REEP5: variants seen among roughly 807,000 people sequenced by gnomAD.
The protein encoded by REEP5 is receptor accessory protein 5, also known as receptor expression-enhancing protein 5.
In REEP5, 24 loss-of-function variants were observed where a neutral mutation model predicts 22.4. The observed-to-expected ratio is 1.07, with a 90% confidence interval of 0.78 to 1.51. The LOEUF is 1.51. REEP5 is among the 40% of genes most tolerant of loss of function. REEP5 has a pLI of 0.00. For missense variants in REEP5, 252 were observed against 233.0 expected, an observed-to-expected ratio of 1.08 and a Z score of -0.53; for synonymous variants, 103 against 88.6, an observed-to-expected ratio of 1.16 and a Z score of -0.92.
In REEP5 at chr5:112,890,078, C is replaced by T. The variant is rs188896956; in HGVS notation, c.352-2895G>A. Among the ~76,000 whole-genome samples, 1,197 of 150,402 alleles carry T rather than the reference C, an allele frequency of 8.0e-3. 82 individuals carry two copies. Among genetic ancestry groups the T allele is most frequent in the African/African-American group, 0.028 (1,126 of 40,346 alleles). On this transcript the variant is annotated intron_variant, in intron 3 of 4. Transcript: ENST00000379638. ...CTGACCTCAAATGATCCACCCCCAT[C>T]GGCCTCCCAAAGTGCTGGGATTACA...
Position 112,922,205 on chromosome 5 carries a change from C to T in REEP5, c.-15G>A, listed in dbSNP as rs375677075. Reference sequence around the variant, plus strand: ...GCCGCAGACATGGCGGGGACCGTCTCGCCGCTCGGGGCTGTTCCTAGTGCC... The same window carrying T: ...GCCGCAGACATGGCGGGGACCGTCTTGCCGCTCGGGGCTGTTCCTAGTGCC... On this transcript the variant is annotated 5_prime_UTR_variant, in exon 1 of 5. Coordinates refer to ENST00000379638, the MANE Select transcript of REEP5 (RefSeq NM_005669.5). 1 of 1,601,668 alleles carries T rather than the reference C, an allele frequency of 6.2e-7. No homozygotes were observed. Among genetic ancestry groups the T allele is most frequent in the Non-Finnish European group, 8.5e-7 (1 of 1,174,420 alleles).
Position 112,921,181 on chromosome 5 carries a change from C to A in REEP5, c.194G>T (p.Gly65Val). The A allele has an allele frequency of 6.2e-7, 1 of 1,614,082 alleles. No homozygotes were observed. The highest frequency in any genetic ancestry group is 8.5e-7 in the Non-Finnish European group (1 of 1,180,006). The change falls in exon 2 of 5, where the codon GGC (glycine) becomes GTC (valine). Residue 65 changes from glycine (G) to valine (V), a missense_variant. Coordinates refer to ENST00000379638, the MANE Select transcript of REEP5 (RefSeq NM_005669.5). ...CACTTACGAGATGTAGGCTGGGTAG[C>A]CAAATCCTATCAGGTTGCAGAGGAG... ...ASLLCNLIGF[G>V]YPAYISIKAI... is the part of the protein sequence containing the mutation.
chr5:112,901,298 A>G (rs1250713192), intron 3 of REEP5, among the ~76,000 whole-genome samples: 2 of 152,326 alleles, frequency 1.3e-5, no homozygotes, highest in East Asian at 3.9e-4. Context: ...CAAGAAGAAG[A>G]GAGCCAAGCA....
rs1767966739 is a variant in REEP5 at position 112,878,570 on chromosome 5, A to G, written c.*216T>C. 1 of 583,206 alleles carries G rather than the reference A, an allele frequency of 1.7e-6. No individual in the cohort carries two copies. The highest frequency in any genetic ancestry group is 3.0e-5 in the East Asian group (1 of 33,000). 36.1% of individuals were successfully genotyped at this position (583,206 alleles called of 1,614,324 possible). On this transcript the variant is annotated 3_prime_UTR_variant, in exon 5 of 5. Coordinates refer to ENST00000379638, the MANE Select transcript of REEP5 (RefSeq NM_005669.5). ...CCAGAGGCAAAATACATTTTCCAAAAACGTGGACACTGCCCACTGCATTAA... is the reference window on the plus strand; with the variant it reads ...CCAGAGGCAAAATACATTTTCCAAAGACGTGGACACTGCCCACTGCATTAA...
chr5:112,913,149 C>G (rs1394033453), intron 2 of REEP5, among the ~76,000 whole-genome samples: 1 of 151,892 alleles, frequency 6.6e-6, no homozygotes, highest in Non-Finnish European at 1.5e-5. Flanking sequence ...ATTAAAAACA[C>G]AAAAAATTGG....
intron 3 of REEP5, 109 bp downstream of exon 3, chr5:112,902,271 T>A: frequency 8.4e-7 from 1 of 1,184,244 alleles, no homozygotes; most frequent in South Asian, 1.8e-5. Context: ...CCTGTCTTCT[T>A]GTTTATAATC....
intron 4 of REEP5, among the ~76,000 whole-genome samples, chr5:112,880,405 G>A (rs1363872500): frequency 1.3e-5 from 2 of 152,204 alleles, no homozygotes; most frequent in African/African-American, 4.8e-5. Context: ...CCCACTGTGA[G>A]ATTTTACAAT....
chr5:112,915,892 A>C (rs1769222178), intron 2 of REEP5, among the ~76,000 whole-genome samples: 1 of 151,610 alleles, frequency 6.6e-6, no homozygotes, highest in Non-Finnish European at 1.5e-5. Context: ...AAAAAAAAAA[A>C]AAAAACCCAC....
At chr5:112,903,553 G>A (rs1403961101) in intron 2 of REEP5, among the ~76,000 whole-genome samples, 1 of 151,978 alleles carries the variant, frequency 6.6e-6, no homozygotes, top group Non-Finnish European at 1.5e-5. Flanking sequence ...GTAACCAAAC[G>A]CCACCTGTTA....
chr5:112,922,053 G>GGCGACCCCC lies in REEP5; in HGVS notation c.118+11_118+19dup. On this transcript the variant is annotated intron_variant, in intron 1 of 4. Coordinates refer to ENST00000379638, the MANE Select transcript of REEP5 (RefSeq NM_005669.5). The stretch of plus-strand genomic sequence containing the variant: ...CGGCTCCCGTGGCCCTACCAGCGGC[G>GGCGACCCCC]GCGACCCCCGGCCACCCACCAAGAG... 1 of 1,579,336 alleles carries GGCGACCCCC rather than the reference G, an allele frequency of 6.3e-7. No homozygotes were observed. Among genetic ancestry groups the GGCGACCCCC allele is most frequent in the Non-Finnish European group, 8.6e-7 (1 of 1,163,438 alleles).
rs973428464 is a variant in REEP5 at position 112,877,769 on chromosome 5, T to TAATC, written c.*1013_*1016dup. The TAATC allele has an allele frequency of 9.8e-5, 15 of 152,292 alleles. No homozygotes were observed. Among genetic ancestry groups the TAATC allele is most frequent in the Non-Finnish European group, 1.3e-4 (9 of 68,022 alleles). 9.4% of individuals were successfully genotyped at this position (152,292 alleles called of 1,614,324 possible). On this transcript the variant is annotated 3_prime_UTR_variant, in exon 5 of 5. Coordinates refer to ENST00000379638, the MANE Select transcript of REEP5 (RefSeq NM_005669.5). Reference sequence around the variant, plus strand: ...AATGATACAAACAAGAACATACATGTAATCAGAGGTGGACAAATCTTCAGA... The same window carrying TAATC: ...AATGATACAAACAAGAACATACATGTAATCAATCAGAGGTGGACAAATCTTCAGA...
intron 2 of REEP5, among the ~76,000 whole-genome samples, chr5:112,919,947 T>C (rs1251529825): frequency 1.3e-5 from 2 of 152,224 alleles, no homozygotes; most frequent in Non-Finnish European, 1.5e-5. Flanking sequence ...TACAATCATA[T>C]TGGTTATGCA....
chr5:112,913,790 C>T (rs1209241982), intron 2 of REEP5, among the ~76,000 whole-genome samples: 1 of 152,128 alleles, frequency 6.6e-6, no homozygotes, highest in African/African-American at 2.4e-5. Context: ...CACCTGTGAC[C>T]TATGTCAATT....
rs1434908852 is a variant in REEP5 at position 112,902,423 on chromosome 5, G to C, written c.308C>G (p.Ser103Cys). 6 of 1,613,106 alleles carry C rather than the reference G, an allele frequency of 3.7e-6. No homozygotes were observed. Among genetic ancestry groups the C allele is most frequent in the African/African-American group, 1.3e-5 (1 of 74,872 alleles). ...GGGGAACCATGACAGGAAGATATCA[G>C]AGAAGAATTCAGCAATGCTGAACAC... The part of the protein sequence containing the change: ...YGVFSIAEFF[S>C]DIFLSWFPFY... Residue 103 changes from serine to cysteine, a missense_variant, in exon 3 of 5, where the codon TCT (serine) becomes TGT (cysteine). Physicochemically the swap from Ser to Cys is moderately radical, Grantham distance 112. Coordinates refer to ENST00000379638, the MANE Select transcript of REEP5 (RefSeq NM_005669.5).
At chr5:112,892,486 G>A (rs1460223853) in intron 3 of REEP5, 4 of 1,614,086 alleles carry the variant, frequency 2.5e-6, no homozygotes, top group Non-Finnish European at 3.4e-6. Context: ...CCAGTCGGAA[G>A]AAGAATGCCA....
chr5:112,892,741 A>G, intron 3 of REEP5: 1 of 1,614,034 alleles, frequency 6.2e-7, no homozygotes, highest in Non-Finnish European at 8.5e-7. Context: ...GAACTCCGAG[A>G]GGAGGGAGAA....
At chr5:112,901,300 A>G (rs771919164) in intron 3 of REEP5, among the ~76,000 whole-genome samples, 6 of 152,222 alleles carry the variant, frequency 3.9e-5, no homozygotes, top group Non-Finnish European at 8.8e-5. Flanking sequence ...AGAAGAAGAG[A>G]GCCAAGCAAA....
At chr5:112,890,579 T>C (rs1250854344) in intron 3 of REEP5, among the ~76,000 whole-genome samples, 3 of 150,234 alleles carry the variant, frequency 2.0e-5, no homozygotes, top group African/African-American at 7.5e-5. Context: ...GGTTTCGCCA[T>C]GTTGGCCGGG....
At chr5:112,913,705 G>C (rs1242500697) in intron 2 of REEP5, among the ~76,000 whole-genome samples, 2 of 152,012 alleles carry the variant, frequency 1.3e-5, no homozygotes, top group Non-Finnish European at 2.9e-5. Flanking sequence ...AAATGGAAGA[G>C]TCAGTCACAG....
Sources: allele counts gnomAD v4.1 joint callset (sites outside exome capture counted in the v4.1 genomes callset), GRCh38; gene constraint gnomAD v4.1.1; transcripts MANE v1.5; gene names NCBI Gene and HGNC (gene_info 2026-07-23, HGNC 2026-07-21).